The following ACOXL variants were observed in gnomAD, a reference collection of about 807,000 sequenced individuals.
The protein encoded by ACOXL is acyl-coenzyme A oxidase-like protein.
Under a neutral mutation model 71.9 loss-of-function variants are expected in ACOXL, and 70 were observed. The ratio of observed to expected loss-of-function variants is 0.97; its 90% CI spans 0.80 to 1.19. The LOEUF (loss-of-function observed/expected upper bound fraction) is 1.19. Ranked by LOEUF, ACOXL falls within the 50% of genes most tolerant of loss-of-function variation. ACOXL has a pLI of 0.00. For missense variants in ACOXL, 703 were observed against 736.3 expected (o/e 0.95, Z 0.52); for synonymous variants, 253 against 281.6 (o/e 0.90, Z 1.02).
chr2:111,054,281 A>G (rs2066429128), intron 16 of ACOXL, among the ~76,000 whole-genome samples: 1 of 152,200 alleles, frequency 6.6e-6, no homozygotes, highest in South Asian at 2.1e-4. Flanking sequence ...AACCTTTGGC[A>G]GGGCTGTCAC....
intron 12 of ACOXL, among the ~76,000 whole-genome samples, chr2:110,946,027 C>T (rs1199725239): frequency 6.6e-6 from 1 of 152,138 alleles, no homozygotes; most frequent in Non-Finnish European, 1.5e-5. Flanking sequence ...TTTCTTTGAG[C>T]AGCGTTTTGT....
At position 110,908,898 on chromosome 2, in the gene ACOXL, G is replaced by C; in HGVS notation, c.898G>C (p.Val300Leu). ...HLATALALTF[V>L]SRYAGALLDE... ...GGCCACAGCCTTGGCCCTGACCTTCGTCAGCAGGTGAGATGGCTCTCAGGG... is the reference window on the plus strand; with the variant it reads ...GGCCACAGCCTTGGCCCTGACCTTCCTCAGCAGGTGAGATGGCTCTCAGGG... The change falls in exon 11 of 18, where the codon GTC (valine) becomes CTC (leucine). Residue 300 changes from valine to leucine, a missense_variant. By Grantham distance (32) the Val-to-Leu change is conservative (BLOSUM62 1). Transcript: ENST00000439055. 1 of 1,613,044 alleles carries C rather than the reference G, an allele frequency of 6.2e-7. No individual in the cohort carries two copies. The highest frequency in any genetic ancestry group is 8.5e-7 in the Non-Finnish European group (1 of 1,179,312).
At chr2:110,947,182 C>T (rs568231582) in intron 12 of ACOXL, among the ~76,000 whole-genome samples, 31 of 152,306 alleles carry the variant, frequency 2.0e-4, no homozygotes, top group African/African-American at 6.3e-4. Flanking sequence ...AGTTTCGCTT[C>T]GTTTCCCACT....
At chr2:110,922,065 G>A (rs1170611637) in intron 11 of ACOXL, among the ~76,000 whole-genome samples, 9 of 152,156 alleles carry the variant, frequency 5.9e-5, no homozygotes, top group Admixed American at 5.2e-4. Flanking sequence ...ATTGTGATCT[G>A]CAGATCATAT....
At chr2:110,809,480 A>T (rs1465506240) in intron 9 of ACOXL, among the ~76,000 whole-genome samples, 4 of 152,244 alleles carry the variant, frequency 2.6e-5, no homozygotes, top group Non-Finnish European at 4.4e-5. Context: ...CAAGTTGTAC[A>T]GCGTGCCACA....
At chr2:110,799,636 T>C (rs1160305083) in intron 7 of ACOXL, among the ~76,000 whole-genome samples, 1 of 152,190 alleles carries the variant, frequency 6.6e-6, no homozygotes, top group African/African-American at 2.4e-5. Flanking sequence ...AGAGTGGTGA[T>C]GAGAGGTGAA....
intron 12 of ACOXL, among the ~76,000 whole-genome samples, chr2:110,986,287 T>G (rs2149547129): frequency 6.6e-6 from 1 of 152,366 alleles, no homozygotes; most frequent in East Asian, 1.9e-4. Flanking sequence ...GAAGAAATGT[T>G]CTTAAATTGA....
chr2:110,935,491 G>C (rs898172721), intron 12 of ACOXL, among the ~76,000 whole-genome samples: 4 of 152,152 alleles, frequency 2.6e-5, no homozygotes, highest in African/African-American at 9.7e-5. Context: ...GCCCTCGCCT[G>C]CTCTCCAGTG....
intron 2 of ACOXL, among the ~76,000 whole-genome samples, chr2:110,779,733 T>C (rs1683099608): frequency 6.6e-6 from 1 of 152,222 alleles, no homozygotes; most frequent in African/African-American, 2.4e-5. Context: ...CAGTAAACGA[T>C]GCTGGAACAA....
chr2:110,753,969 A>C (rs1001223266), intron 1 of ACOXL, among the ~76,000 whole-genome samples: 8 of 150,780 alleles, frequency 5.3e-5, no homozygotes, highest in African/African-American at 2.0e-4. Context: ...ATGATGCCTG[A>C]TGATTTTGAG....
intron 1 of ACOXL, among the ~76,000 whole-genome samples, chr2:110,763,237 G>A (rs766396495): frequency 6.6e-6 from 1 of 152,170 alleles, no homozygotes; most frequent in Non-Finnish European, 1.5e-5. Context: ...ATACAAAATT[G>A]AAGGAGAAGA....
intron 2 of ACOXL, among the ~76,000 whole-genome samples, chr2:110,775,015 T>C (rs1682462929): frequency 6.6e-6 from 1 of 152,188 alleles, no homozygotes; most frequent in Non-Finnish European, 1.5e-5. Flanking sequence ...AAATAAAACC[T>C]CACATAGGTG....
chr2:110,964,095 T>C (rs910036400), intron 12 of ACOXL, among the ~76,000 whole-genome samples: 2 of 152,196 alleles, frequency 1.3e-5, no homozygotes, highest in African/African-American at 4.8e-5. Flanking sequence ...GGCAATACTC[T>C]TTTCCTTTCT....
At chr2:110,751,429 G>C (rs1678953982) in intron 1 of ACOXL, among the ~76,000 whole-genome samples, 1 of 150,874 alleles carries the variant, frequency 6.6e-6, no homozygotes. Flanking sequence ...TCACGTATTT[G>C]CCCATCTATT....
intron 1 of ACOXL, among the ~76,000 whole-genome samples, chr2:110,752,809 C>T (rs1471802332): frequency 1.3e-5 from 2 of 151,984 alleles, no homozygotes; most frequent in African/African-American, 4.8e-5. Flanking sequence ...AGCTTAAACC[C>T]CAATATATAT....
At position 110,803,428 on chromosome 2, in the gene ACOXL, T is replaced by A. The variant is rs192730746; in HGVS notation, c.620+1704T>A. Among the ~76,000 whole-genome samples, 160 of 152,324 alleles carry A rather than the reference T, an allele frequency of 1.1e-3. 2 individuals carry two copies. The highest frequency in any genetic ancestry group is 3.7e-3 in the African/African-American group (153 of 41,574). ...AGACAATTCAATGGGGAAAGAATAG[T>A]CTTTTTGACAAATGGTGCTGGGACA... is the stretch of plus-strand genomic sequence containing the variant. On this transcript the variant is annotated intron_variant, in intron 8 of 17. Transcript: ENST00000439055.
intron 3 of ACOXL, among the ~76,000 whole-genome samples, chr2:110,792,651 G>A (rs1337293569): frequency 2.0e-5 from 3 of 152,078 alleles, no homozygotes; most frequent in African/African-American, 7.2e-5. Flanking sequence ...ACTTAGCCAG[G>A]TGTGGTAGTG....
chr2:111,111,332 T>G (rs1219678850), intron 17 of ACOXL, among the ~76,000 whole-genome samples: 1 of 152,136 alleles, frequency 6.6e-6, no homozygotes, highest in Non-Finnish European at 1.5e-5. Context: ...ACTCCTGAGC[T>G]CAAGCAATCC....
chr2:110,814,049 C>T (rs1275970344), intron 9 of ACOXL, among the ~76,000 whole-genome samples: 1 of 152,196 alleles, frequency 6.6e-6, no homozygotes, highest in Admixed American at 6.5e-5. Context: ...ATAAACTCTG[C>T]TCACTGGCGT....
Sources: gnomAD v4.1 joint callset for allele counts (sites outside exome capture counted in the v4.1 genomes callset) on GRCh38, gnomAD v4.1.1 for gene constraint, MANE v1.5 for transcripts, NCBI Gene and HGNC (gene_info 2026-07-23, HGNC 2026-07-21) for gene names.